KCNK10: variants seen among roughly 807,000 people sequenced by gnomAD.
KCNK10 encodes the protein potassium channel subfamily K member 10.
Under a neutral mutation model 47.7 loss-of-function variants are expected in KCNK10, and 25 were observed. The ratio of observed to expected loss-of-function variants is 0.52; its 90% CI spans 0.38 to 0.73. KCNK10 has a LOEUF of 0.73. Ranked by LOEUF, KCNK10 falls within the 30% of genes least tolerant of loss-of-function variation. KCNK10 has a pLI of 0.00. For synonymous variants in KCNK10, 303 were observed against 285.6 expected, an observed-to-expected ratio of 1.06 and a Z score of -0.61; for missense variants, 563 against 714.5, an observed-to-expected ratio of 0.79 and a Z score of 2.42.
chr14:88,206,751 A>G (rs555106697), intron 4 of KCNK10, among the ~76,000 whole-genome samples: 1 of 152,322 alleles, frequency 6.6e-6, no homozygotes, highest in African/African-American at 2.4e-5. Context: ...ATTACTTTCC[A>G]TTTATTTCTC....
chr14:88,227,667 AG>A (rs1886030886), intron 3 of KCNK10, 132 bp from the exon 4 acceptor site: 1 of 721,978 alleles, frequency 1.4e-6, no homozygotes, highest in African/African-American at 1.8e-5. Context: ...TTCATTTCAA[AG>A]GCCCTCTACA....
chr14:88,323,458 C>T (rs1025864866), upstream of KCNK10, among the ~76,000 whole-genome samples: 3 of 149,340 alleles, frequency 2.0e-5, no homozygotes, highest in African/African-American at 7.3e-5. Flanking sequence ...CGCCGCGCCC[C>T]GGCAAGAGGG....
chr14:88,263,530 G>T lies in KCNK10; in HGVS notation c.74C>A (p.Pro25Gln). 1 of 1,611,928 alleles carries T rather than the reference G, an allele frequency of 6.2e-7. No individual in the cohort carries two copies. The stretch of plus-strand genomic sequence containing the variant: ...AGTGGCGCTCTTGGGCTGGCACACC[G>T]GTGCTGCTGCGGGAACGGCCACTGA... Reference protein sequence around the residue: ...DPKVAVPAAAPVCQPKSATNG... With the variant: ...DPKVAVPAAAQVCQPKSATNG... Residue 25 changes from proline (P) to glutamine (Q), a missense_variant, in exon 2 of 7, where the codon CCG becomes CAG. By Grantham distance (76) the Pro-to-Gln change is moderately conservative (BLOSUM62 -1). Coordinates refer to ENST00000319231, the MANE Select transcript of KCNK10 (RefSeq NM_138317.3).
chr14:88,182,299 C>T lies in KCNK10; in HGVS notation c.*3236G>A, dbSNP rs780848528. 1.3e-5 allele frequency: 2 copies of T among 152,188 alleles called. No individual in the cohort carries two copies. Among genetic ancestry groups the T allele is most frequent in the Non-Finnish European group, 2.9e-5 (2 of 68,032 alleles). 9.4% of individuals were successfully genotyped at this position (152,188 alleles called of 1,614,324 possible). On this transcript the variant is annotated 3_prime_UTR_variant, in exon 7 of 7. Transcript: ENST00000319231. ...CGTGTGCTCTTTCTTTGTGTGAAATCGAAACATTTCTCCTAGGTTTATGCT... is the reference window on the plus strand; with the variant it reads ...CGTGTGCTCTTTCTTTGTGTGAAATTGAAACATTTCTCCTAGGTTTATGCT...
chr14:88,194,397 C>T (rs1884842794), intron 4 of KCNK10, among the ~76,000 whole-genome samples: 1 of 152,190 alleles, frequency 6.6e-6, no homozygotes, highest in South Asian at 2.1e-4. Context: ...GAGATTTCGC[C>T]ATAGATCATT....
intron 1 of KCNK10, among the ~76,000 whole-genome samples, chr14:88,277,213 GAA>G (rs35748130): frequency 0.037 from 5,342 of 144,752 alleles, 329 homozygotes; most frequent in African/African-American, 0.13. Flanking sequence ...AACTTAAATG[GAA>G]AAAAAAAAAA....
intron 1 of KCNK10, among the ~76,000 whole-genome samples, chr14:88,320,454 C>A (rs538887081): frequency 6.6e-6 from 1 of 152,162 alleles, no homozygotes; most frequent in Non-Finnish European, 1.5e-5. Context: ...ATCAGTCTCA[C>A]GGTACTCCCT....
rs1888579815 is a variant in KCNK10, at chr14:88,322,975, G to A, written c.-177C>T. The A allele has an allele frequency of 6.9e-7, 1 of 1,442,746 alleles. No individual in the cohort carries two copies. The highest frequency in any genetic ancestry group is 9.1e-7 in the Non-Finnish European group (1 of 1,100,134). The allele number at this position is 1,442,746 out of a possible 1,614,324, so 89.4% of individuals were successfully genotyped here. A position where few individuals can be genotyped will look rare whatever the true frequency, so the allele number is the denominator to read the frequency against. On this transcript the variant is annotated 5_prime_UTR_variant, in exon 1 of 7. Coordinates refer to ENST00000319231, the MANE Select transcript of KCNK10 (RefSeq NM_138317.3). The surrounding 1 kb of genome is among the most constrained non-coding windows in gnomAD (Gnocchi z 4.8). ...CAGGTGGGAAAATATTAGCTTGGGG[G>A]AGAACTGGAGAGGGCTTGGGTGTTT...
At chr14:88,207,541 G>A (rs1269955523) in intron 4 of KCNK10, among the ~76,000 whole-genome samples, 1 of 152,064 alleles carries the variant, frequency 6.6e-6, no homozygotes, top group African/African-American at 2.4e-5. Flanking sequence ...AGGGATAGGG[G>A]ATGTCTCACT....
chr14:88,288,760 G>A (rs1485520367), intron 1 of KCNK10, among the ~76,000 whole-genome samples: 2 of 152,118 alleles, frequency 1.3e-5, no homozygotes, highest in African/African-American at 4.8e-5. Flanking sequence ...GTCCAAGTTA[G>A]CTCTAGTCTC....
intron 1 of KCNK10, among the ~76,000 whole-genome samples, chr14:88,310,299 G>A (rs1253577098): frequency 3.6e-5 from 4 of 110,266 alleles, no homozygotes; most frequent in African/African-American, 1.1e-4. Flanking sequence ...CTGTCTCAGT[G>A]GCTAGGCTGT....
intron 4 of KCNK10, among the ~76,000 whole-genome samples, chr14:88,222,798 A>G (rs947190250): frequency 6.6e-6 from 1 of 152,240 alleles, no homozygotes; most frequent in Non-Finnish European, 1.5e-5. Flanking sequence ...TGAAGCAGCC[A>G]TCTTGCAATG....
intron 1 of KCNK10, among the ~76,000 whole-genome samples, chr14:88,280,102 A>G (rs577555579): frequency 1.3e-5 from 2 of 152,266 alleles, no homozygotes; most frequent in South Asian, 2.1e-4. Context: ...GGTGATACCC[A>G]TCCTAAAACT....
At chr14:88,223,076 G>GATTC (rs1206780986) in intron 4 of KCNK10, among the ~76,000 whole-genome samples, 1 of 152,102 alleles carries the variant, frequency 6.6e-6, no homozygotes, top group Admixed American at 6.5e-5. Flanking sequence ...AGGAAGGAAG[G>GATTC]ATTCTCATGC....
chr14:88,276,702 T>A (rs1887534046), intron 1 of KCNK10, among the ~76,000 whole-genome samples: 1 of 152,246 alleles, frequency 6.6e-6, no homozygotes, highest in African/African-American at 2.4e-5. Flanking sequence ...ATTCCTTCTC[T>A]CTGCTCAGAG....
intron 3 of KCNK10, among the ~76,000 whole-genome samples, chr14:88,238,833 T>C (rs1204808933): frequency 6.6e-6 from 1 of 152,224 alleles, no homozygotes; most frequent in African/African-American, 2.4e-5. Context: ...TGCAACTGAC[T>C]CTTCCTTTCA....
intron 1 of KCNK10, among the ~76,000 whole-genome samples, chr14:88,318,130 T>C (rs1888467182): frequency 6.6e-6 from 1 of 152,236 alleles, no homozygotes; most frequent in Non-Finnish European, 1.5e-5. Context: ...GAAGTGGGAA[T>C]ATCAGCGTCC....
chr14:88,200,463 T>C (rs952195348), intron 4 of KCNK10, among the ~76,000 whole-genome samples: 13 of 152,162 alleles, frequency 8.5e-5, no homozygotes, highest in African/African-American at 2.9e-4. Flanking sequence ...GTGTACCTAA[T>C]TGTTTCAGAG....
chr14:88,206,099 C>T (rs1025422962), intron 4 of KCNK10, among the ~76,000 whole-genome samples: 3 of 152,128 alleles, frequency 2.0e-5, no homozygotes, highest in Admixed American at 2.0e-4. Flanking sequence ...GGAAATACAT[C>T]AAGGGAAGAG....
Sources: gnomAD v4.1 joint callset for allele counts (sites outside exome capture counted in the v4.1 genomes callset) on GRCh38, gnomAD v4.1.1 for gene constraint, Gnocchi (gnomAD v3.1) non-coding constraint, MANE v1.5 for transcripts, NCBI Gene and HGNC (gene_info 2026-07-23, HGNC 2026-07-21) for gene names.